The following ARHGAP23 variants were observed in gnomAD, a reference collection of about 807,000 sequenced individuals.
ARHGAP23 encodes Rho GTPase activating protein 23.
In ARHGAP23, 34 loss-of-function variants were observed where a neutral mutation model predicts 136.3. The observed-to-expected ratio is 0.25, with a 90% confidence interval of 0.19 to 0.33. The LOEUF is 0.33. ARHGAP23 is among the 10% of genes least tolerant of loss of function. ARHGAP23 has a pLI of 1.00. For synonymous variants in ARHGAP23, 832 were observed against 920.5 expected (o/e 0.90, Z 1.74); for missense variants, 1,808 against 2,139.0 (o/e 0.85, Z 3.05).
intron 16 of ARHGAP23, among the ~76,000 whole-genome samples, chr17:38,485,653 G>C (rs2040143337): frequency 2.0e-5 from 3 of 152,142 alleles, no homozygotes; most frequent in African/African-American, 7.2e-5. Flanking sequence ...GTTGTGTGGA[G>C]GCGGGGAGGA....
intron 18 of ARHGAP23, 86 bp downstream of exon 18, chr17:38,490,261 C>T: frequency 1.5e-6 from 2 of 1,376,188 alleles, no homozygotes; most frequent in Non-Finnish European, 2.0e-6. Flanking sequence ...CCGGTGCTGC[C>T]CACGACCCCT....
intron 6 of ARHGAP23, 125 bp from the exon 7 acceptor site, chr17:38,466,042 T>C: frequency 1.5e-6 from 1 of 675,376 alleles, no homozygotes. Flanking sequence ...TCTCCCTCGT[T>C]CCCCCCACCG....
At chr17:38,433,095 G>C (rs1465851064) in intron 1 of ARHGAP23, among the ~76,000 whole-genome samples, 1 of 152,146 alleles carries the variant, frequency 6.6e-6, no homozygotes, top group Non-Finnish European at 1.5e-5. Context: ...TGAGACTACA[G>C]GTGCATGCCA....
chr17:38,460,297 C>G (rs143023663), intron 2 of ARHGAP23, among the ~76,000 whole-genome samples: 31 of 152,326 alleles, frequency 2.0e-4, no homozygotes, highest in South Asian at 1.2e-3. Flanking sequence ...TTGGCTCCCT[C>G]TTTCTGTCCT....
At position 38,479,853 on chromosome 17, in the gene ARHGAP23, A is replaced by G; in HGVS notation, c.2599A>G (p.Arg867Gly). ...CAAGCAGAGTGCGGCACGTGGCCTC[A>G]GGACTCAGGACCTGCCCGCAGGGAG... ...FLKQSAARGL[R>G]TQDLPAGSKD... The change falls in exon 14 of 24, where the codon AGG (arginine) becomes GGG (glycine). Residue 867 changes from arginine to glycine, a missense_variant. This residue lies in a region of ARHGAP23 where 73 missense variants were observed against 82.5 expected (regional missense o/e 0.88). Transcript: ENST00000622683. 1.3e-6 allele frequency: 2 copies of G among 1,502,894 alleles called. No individual in the cohort carries two copies. Among genetic ancestry groups the G allele is most frequent in the Non-Finnish European group, 1.8e-6 (2 of 1,118,178 alleles). 93.1% of individuals were successfully genotyped at this position (1,502,894 alleles called of 1,614,324 possible).
At chr17:38,459,834 C>T (rs2039417595) in intron 2 of ARHGAP23, among the ~76,000 whole-genome samples, 1 of 152,208 alleles carries the variant, frequency 6.6e-6, no homozygotes, top group Non-Finnish European at 1.5e-5. Flanking sequence ...GTGCTGTCAG[C>T]TTGCATCAGC....
At position 38,507,458 on chromosome 17, in the gene ARHGAP23, C is replaced by T. The variant is rs956693679; in HGVS notation, c.3448-2486C>T. ...CCTACATCCAGGTCCTTGTCACTTC[C>T]GTCCATTGCTCCTGCTGGCCCCCTG... On this transcript the variant is annotated intron_variant, in intron 23 of 23. Transcript: ENST00000622683. Among the ~76,000 whole-genome samples the T allele has an allele frequency of 3.9e-5, 6 of 152,038 alleles. No individual in the cohort carries two copies. In the East Asian group the frequency reaches 7.7e-4, roughly 20 times the overall value.
intron 20 of ARHGAP23, among the ~76,000 whole-genome samples, chr17:38,496,050 A>T (rs2040384576): frequency 6.6e-6 from 1 of 152,040 alleles, no homozygotes; most frequent in Non-Finnish European, 1.5e-5. Flanking sequence ...GGTGCGCACA[A>T]CCATGCCCAG....
chr17:38,509,815 C>T (rs1027146075), intron 23 of ARHGAP23, 129 bp from the exon 24 acceptor site: 47 of 674,482 alleles, frequency 7.0e-5, no homozygotes, highest in South Asian at 4.5e-4. Flanking sequence ...ATGATGCGGC[C>T]GTGGGTGCTG....
chr17:38,428,490 A>G lies in ARHGAP23; in HGVS notation c.5A>G (p.Asn2Ser), dbSNP rs988194386. The change falls in exon 1 of 24, where the codon AAT (asparagine) becomes AGT (serine). Residue 2 changes from asparagine to serine, a missense_variant. By Grantham distance (46) the Asn-to-Ser change is conservative. Coordinates refer to ENST00000622683, the MANE Select transcript of ARHGAP23 (RefSeq NM_001199417.2). M[N>S]GVAFCLVGIP... Reference sequence around the variant, plus strand: ...CAGAGCCGCCGCTGCCACCCGATGAATGGAGTCGCCTTCTGCCTGGTCGGG... The same window carrying G: ...CAGAGCCGCCGCTGCCACCCGATGAGTGGAGTCGCCTTCTGCCTGGTCGGG... 2.8e-6 allele frequency: 4 copies of G among 1,446,162 alleles called. No individual in the cohort carries two copies. The Admixed American group carries it at 7.4e-5, about 27-fold the overall frequency. The allele number at this position is 1,446,162 out of a possible 1,614,324, so 89.6% of individuals were successfully genotyped here. A position where few individuals can be genotyped will look rare whatever the true frequency, so the allele number is the denominator to read the frequency against.
chr17:38,500,727 G>C (rs1316440004), intron 23 of ARHGAP23, 99 bp downstream of exon 23: 1 of 1,154,806 alleles, frequency 8.7e-7, no homozygotes, highest in Middle Eastern at 2.8e-4. Flanking sequence ...TGGACCATGG[G>C]GAAAGTTGAT....
At chr17:38,452,800 G>C (rs1420683255) in intron 1 of ARHGAP23, among the ~76,000 whole-genome samples, 1 of 152,022 alleles carries the variant, frequency 6.6e-6, no homozygotes, top group Admixed American at 6.6e-5. Flanking sequence ...AGGCGAGCAG[G>C]GCAGGGGCTA....
intron 1 of ARHGAP23, among the ~76,000 whole-genome samples, chr17:38,438,116 A>T (rs1247782660): frequency 1.3e-5 from 2 of 152,080 alleles, no homozygotes; most frequent in East Asian, 1.9e-4. Context: ...AGGGCAAGAG[A>T]TCGAGACCGT....
chr17:38,482,900 T>G (rs1169973790), intron 16 of ARHGAP23, among the ~76,000 whole-genome samples: 2 of 152,210 alleles, frequency 1.3e-5, no homozygotes, highest in Non-Finnish European at 2.9e-5. Flanking sequence ...AATGCAGTCA[T>G]GGCCTGGGGA....
In ARHGAP23 at chr17:38,510,300, G is replaced by A; in HGVS notation, c.3804G>A (p.Arg1268=). 7.8e-7 allele frequency: 1 copy of A among 1,283,740 alleles called. No homozygotes were observed. Among genetic ancestry groups the A allele is most frequent in the Non-Finnish European group, 9.8e-7 (1 of 1,015,698 alleles). The allele number at this position is 1,283,740 out of a possible 1,614,324, so 79.5% of individuals were successfully genotyped here. A position where few individuals can be genotyped will look rare whatever the true frequency, so the allele number is the denominator to read the frequency against. The change falls in exon 24 of 24, where the codon CGG becomes CGA. Residue 1268 remains arginine, a synonymous_variant. Coordinates refer to ENST00000622683, the MANE Select transcript of ARHGAP23 (RefSeq NM_001199417.2). This position sits in a 1 kb window ranked among gnomAD's most constrained non-coding sequence, Gnocchi z 4.6. ...RSVCSGASGR[R]AGAGDEADDE... is the part of the protein sequence containing the mutation. ...TGTGCTCGGGCGCTAGCGGTCGGCG[G>A]GCAGGGGCGGGGGATGAGGCGGACG...
intron 1 of ARHGAP23, among the ~76,000 whole-genome samples, chr17:38,445,638 C>A (rs2039015740): frequency 1.6e-5 from 2 of 128,238 alleles, no homozygotes; most frequent in Admixed American, 7.8e-5. Context: ...TTCATTCATT[C>A]CTTTTTTTTT....
intron 1 of ARHGAP23, among the ~76,000 whole-genome samples, chr17:38,453,398 G>C (rs561128009): frequency 6.0e-5 from 9 of 150,996 alleles, no homozygotes; most frequent in Non-Finnish European, 1.0e-4. Flanking sequence ...GGGTGGATGG[G>C]GCTGATGCGC....
intron 23 of ARHGAP23, among the ~76,000 whole-genome samples, chr17:38,507,575 G>T (rs1396601117): frequency 6.6e-6 from 1 of 152,124 alleles, no homozygotes; most frequent in Admixed American, 6.5e-5. Context: ...GTCTGACCTC[G>T]TTGCTTCTGG....
chr17:38,500,358 G>A (rs978371195), intron 22 of ARHGAP23: 2 of 557,740 alleles, frequency 3.6e-6, no homozygotes, highest in Non-Finnish European at 6.4e-6. Flanking sequence ...GCCAGTGGCT[G>A]GCAGCCTGAT....
Sources: allele counts gnomAD v4.1 joint callset (sites outside exome capture counted in the v4.1 genomes callset), GRCh38; gene constraint gnomAD v4.1.1; regional missense constraint gnomAD v4.1.1; non-coding constraint Gnocchi (gnomAD v3.1); transcripts MANE v1.5; gene names NCBI Gene and HGNC (gene_info 2026-07-23, HGNC 2026-07-21).